Variants in MLLT1 observed in about 807,000 individuals in gnomAD.
MLLT1 encodes MLLT1 super elongation complex subunit, also known as protein ENL.
A neutral mutation model predicts 55.1 loss-of-function variants in MLLT1; 11 were observed. The observed-to-expected ratio is 0.20, with a 90% CI of 0.13 to 0.33. The LOEUF (loss-of-function observed/expected upper bound fraction) is 0.33. Ranked by LOEUF, MLLT1 falls within the 10% of genes least tolerant of loss-of-function variation. The pLI is 1.00. For synonymous variants in MLLT1, 323 were observed against 320.1 expected, an observed-to-expected ratio of 1.01 and a Z score of -0.10; for missense variants, 536 against 760.6, an observed-to-expected ratio of 0.70 and a Z score of 3.47.
chr19:6,213,602 C>T, intron 10 of MLLT1, 124 bp downstream of exon 10: 1 of 1,080,336 alleles, frequency 9.3e-7, no homozygotes. Context: ...AAGGACTGTC[C>T]CTGCTCCTGC....
chr19:6,220,234 A>G (rs902387353), intron 6 of MLLT1, among the ~76,000 whole-genome samples: 4 of 152,228 alleles, frequency 2.6e-5, no homozygotes, highest in Non-Finnish European at 5.9e-5. Context: ...GCCAAGGGGA[A>G]GCCAAGGGGC....
At chr19:6,259,967 A>G (rs2091290204) in intron 3 of MLLT1, among the ~76,000 whole-genome samples, 1 of 152,176 alleles carries the variant, frequency 6.6e-6, no homozygotes, top group Non-Finnish European at 1.5e-5. Flanking sequence ...TAACCCAACT[A>G]TGTTACCATG....
chr19:6,228,442 A>G (rs1207811230), intron 4 of MLLT1, among the ~76,000 whole-genome samples: 3 of 152,162 alleles, frequency 2.0e-5, no homozygotes, highest in Non-Finnish European at 2.9e-5. Context: ...ACCTCCAACA[A>G]GTGCTGCCAG....
intron 8 of MLLT1, among the ~76,000 whole-genome samples, chr19:6,215,255 G>A (rs1015176267): frequency 2.6e-5 from 4 of 152,214 alleles, no homozygotes; most frequent in African/African-American, 7.2e-5. Context: ...CGTGTGGCTC[G>A]GTCCCTGTGC....
intron 6 of MLLT1, among the ~76,000 whole-genome samples, chr19:6,220,611 G>C (rs182391578): frequency 6.6e-6 from 1 of 152,250 alleles, no homozygotes; most frequent in East Asian, 1.9e-4. Flanking sequence ...TGAGCAGAGC[G>C]GAGTGGAGCG....
intron 3 of MLLT1, among the ~76,000 whole-genome samples, chr19:6,261,725 C>T (rs886657053): frequency 4.6e-5 from 7 of 152,038 alleles, no homozygotes; most frequent in Non-Finnish European, 7.4e-5. Context: ...AGATGACCCG[C>T]GCCAACATTC....
rs1295359961 is a variant in MLLT1 at position 6,231,008 on chromosome 19, C to A, written c.277-295G>T. On this transcript the variant is annotated intron_variant, in intron 3 of 11. Coordinates refer to ENST00000252674, the MANE Select transcript of MLLT1 (RefSeq NM_005934.4). The surrounding 1 kb of genome is among the most constrained non-coding windows in gnomAD (Gnocchi z 5.1). ...GTACCCCCTTCAACCCTCACAGCGC[C>A]ACTGACAGACAGGGAAACCGACGCA... Among the ~76,000 whole-genome samples, 1 of 152,236 alleles carries A rather than the reference C, an allele frequency of 6.6e-6. No homozygotes were observed. Among genetic ancestry groups the A allele is most frequent in the Non-Finnish European group, 1.5e-5 (1 of 68,050 alleles).
At chr19:6,241,875 C>A (rs1169242845) in intron 3 of MLLT1, among the ~76,000 whole-genome samples, 1 of 152,228 alleles carries the variant, frequency 6.6e-6, no homozygotes, top group Non-Finnish European at 1.5e-5. Context: ...TGTTCTGGCT[C>A]CCTCGGCAAT....
chr19:6,210,521 C>T lies in MLLT1; in HGVS notation c.*2521G>A, dbSNP rs1332495750. On this transcript the variant is annotated 3_prime_UTR_variant, in exon 12 of 12. Coordinates refer to ENST00000252674, the MANE Select transcript of MLLT1 (RefSeq NM_005934.4). The surrounding 1 kb of genome is among the most constrained non-coding windows in gnomAD (Gnocchi z 4.6). ...CACGATTCTCCTTATTCCTTTTATC[C>T]AGGAGTTGGTCTCGGGCCGATGAGT... is the stretch of plus-strand genomic sequence containing the variant. 1 of 216,824 alleles carries T rather than the reference C, an allele frequency of 4.6e-6. No homozygotes were observed. The highest frequency in any genetic ancestry group is 9.3e-6 in the Non-Finnish European group (1 of 107,492). 13.4% of individuals were successfully genotyped at this position (216,824 alleles called of 1,614,324 possible).
chr19:6,223,271 C>T (rs925900759), intron 5 of MLLT1, among the ~76,000 whole-genome samples: 17 of 152,204 alleles, frequency 1.1e-4, no homozygotes, highest in African/African-American at 3.9e-4. Flanking sequence ...AACTGCTGAG[C>T]GCCCACTGGG....
intron 3 of MLLT1, among the ~76,000 whole-genome samples, chr19:6,239,741 TACAC>T (rs10588264): frequency 0.014 from 2,061 of 151,624 alleles, 57 homozygotes; most frequent in African/African-American, 0.045. Context: ...CACTCAGACT[TACAC>T]ACACACCTAT....
At position 6,265,074 on chromosome 19, in the gene MLLT1, A is replaced by C. The variant is rs1041745276; in HGVS notation, c.194-2764T>G. 1.7e-4 allele frequency among the ~76,000 whole-genome samples: 25 copies of C among 145,790 alleles called. No individual in the cohort carries two copies. In the East Asian group the frequency reaches 2.8e-3, roughly 16 times the overall value. The stretch of plus-strand genomic sequence containing the variant: ...CAAAAAAACAAAAAAACAAAAAAAA[A>C]CATGATGTCATAAAGCAAGCGTCCT... On this transcript the variant is annotated intron_variant, in intron 2 of 11. Coordinates refer to ENST00000252674, the MANE Select transcript of MLLT1 (RefSeq NM_005934.4).
chr19:6,216,377 C>T (rs1374442061), intron 8 of MLLT1, 28 bp downstream of exon 8: 5 of 1,548,898 alleles, frequency 3.2e-6, no homozygotes, highest in Admixed American at 3.6e-5. Context: ...TGGCCGCCTC[C>T]GCCCCCTGGC....
Position 6,212,467 on chromosome 19 carries a change from G to C in MLLT1, c.*575C>G. ...AGAAACGCACATGGACACTGCTCTT[G>C]ACCAGACAGTGCACACACATATATA... On this transcript the variant is annotated 3_prime_UTR_variant, in exon 12 of 12. Transcript: ENST00000252674. 9.4e-7 allele frequency: 1 copy of C among 1,066,420 alleles called. No homozygotes were observed. Among genetic ancestry groups the C allele is most frequent in the Non-Finnish European group, 1.1e-6 (1 of 880,056 alleles). The allele number at this position is 1,066,420 out of a possible 1,614,324, so 66.1% of individuals were successfully genotyped here. A position where few individuals can be genotyped will look rare whatever the true frequency, so the allele number is the denominator to read the frequency against.
rs2144876189 is a variant in MLLT1 at position 6,229,857 on chromosome 19, A to ACACACCG, written c.420+706_420+712dup. 6.6e-6 allele frequency among the ~76,000 whole-genome samples: 1 copy of ACACACCG among 151,468 alleles called. No homozygotes were observed. Among genetic ancestry groups the ACACACCG allele is most frequent in the East Asian group, 2.0e-4 (1 of 5,102 alleles). ...CACACGTACATACACATGACACACC[A>ACACACCG]CACACCGCACACGACACACAACACG... On this transcript the variant is annotated intron_variant, in intron 4 of 11. Transcript: ENST00000252674. This position sits in a 1 kb window ranked among gnomAD's most constrained non-coding sequence, Gnocchi z 5.2.
Position 6,273,771 on chromosome 19 carries a change from C to A in MLLT1, c.13-3012G>T, listed in dbSNP as rs2091412363. On this transcript the variant is annotated intron_variant, in intron 1 of 11. Coordinates refer to ENST00000252674, the MANE Select transcript of MLLT1 (RefSeq NM_005934.4). This position sits in a 1 kb window ranked among gnomAD's most constrained non-coding sequence, Gnocchi z 4.3. ...CCCCTGCTTCTGTGGAGCTGACTCC[C>A]ACACAATGACAGTGTCTCCTCGGAA... 6.6e-6 allele frequency among the ~76,000 whole-genome samples: 1 copy of A among 152,224 alleles called. No individual in the cohort carries two copies. The highest frequency in any genetic ancestry group is 6.5e-5 in the Admixed American group (1 of 15,282).
chr19:6,249,137 T>C (rs992332663), intron 3 of MLLT1, among the ~76,000 whole-genome samples: 1 of 152,176 alleles, frequency 6.6e-6, no homozygotes, highest in South Asian at 2.1e-4. Context: ...AGACTGAATT[T>C]CAAAGACTTG....
Position 6,240,838 on chromosome 19 carries a change from G to C in MLLT1, c.277-10125C>G, listed in dbSNP as rs1386786509. 6.6e-6 allele frequency among the ~76,000 whole-genome samples: 1 copy of C among 152,164 alleles called. No homozygotes were observed. Among genetic ancestry groups the C allele is most frequent in the Non-Finnish European group, 1.5e-5 (1 of 68,044 alleles). On this transcript the variant is annotated intron_variant, in intron 3 of 11. Coordinates refer to ENST00000252674, the MANE Select transcript of MLLT1 (RefSeq NM_005934.4). This position sits in a 1 kb window ranked among gnomAD's most constrained non-coding sequence, Gnocchi z 4.7. ...CCAGAATCAATTCCTGCATCGATGA[G>C]CAATTAGAAACCAAAAGGAGGAGGC...
chr19:6,212,715 A>G lies in MLLT1; in HGVS notation c.*327T>C. Reference sequence around the variant, plus strand: ...AGCGACGCCGCACAGCCCGCCGAGCAGTGGGGGCTGGTCCCAAGGCTGGGC... The same window carrying G: ...AGCGACGCCGCACAGCCCGCCGAGCGGTGGGGGCTGGTCCCAAGGCTGGGC... On this transcript the variant is annotated 3_prime_UTR_variant, in exon 12 of 12. Transcript: ENST00000252674. 1 of 1,143,858 alleles carries G rather than the reference A, an allele frequency of 8.7e-7. No homozygotes were observed. Among genetic ancestry groups the G allele is most frequent in the Non-Finnish European group, 1.1e-6 (1 of 926,426 alleles). The allele number at this position is 1,143,858 out of a possible 1,614,324, so 70.9% of individuals were successfully genotyped here. A position where few individuals can be genotyped will look rare whatever the true frequency, so the allele number is the denominator to read the frequency against.
Sources: gnomAD v4.1 joint callset for allele counts (sites outside exome capture counted in the v4.1 genomes callset) on GRCh38, gnomAD v4.1.1 for gene constraint, Gnocchi (gnomAD v3.1) non-coding constraint, MANE v1.5 for transcripts, NCBI Gene and HGNC (gene_info 2026-07-23, HGNC 2026-07-21) for gene names.